The following MGAT5 variants were observed in gnomAD, a reference collection of about 807,000 sequenced individuals.
MGAT5 encodes the protein alpha-1,6-mannosylglycoprotein 6-beta-N-acetylglucosaminyltransferase.
Under a neutral mutation model 94.3 loss-of-function variants are expected in MGAT5, and 30 were observed. The observed-to-expected ratio is 0.32, with a 90% CI of 0.24 to 0.43. The LOEUF (loss-of-function observed/expected upper bound fraction) is 0.43. Ranked by LOEUF, MGAT5 falls within the 20% of genes least tolerant of loss-of-function variation. MGAT5 has a pLI of 1.00. For synonymous variants in MGAT5, 310 were observed against 322.9 expected (o/e 0.96, Z 0.43); for missense variants, 691 against 905.5 (o/e 0.76, Z 3.04).
intron 2 of MGAT5, among the ~76,000 whole-genome samples, chr2:134,286,947 G>A (rs1423815951): frequency 6.6e-6 from 1 of 152,158 alleles, no homozygotes; most frequent in Non-Finnish European, 1.5e-5. Context: ...TCTACCTTGT[G>A]TTCAGATGTT....
intron 1 of MGAT5, among the ~76,000 whole-genome samples, chr2:134,144,922 C>T (rs1244235516): frequency 6.6e-6 from 1 of 152,180 alleles, no homozygotes; most frequent in African/African-American, 2.4e-5. Flanking sequence ...TCCTCCAATA[C>T]GGACAGGCAT....
chr2:134,242,526 T>C (rs746785582), intron 1 of MGAT5, among the ~76,000 whole-genome samples: 55 of 152,226 alleles, frequency 3.6e-4, no homozygotes, highest in Non-Finnish European at 6.3e-4. Flanking sequence ...GAAATTAGGA[T>C]CTGATCTGCC....
chr2:134,448,826 T>G lies in MGAT5; in HGVS notation c.2205T>G (p.Ala735=). 1.2e-6 allele frequency: 2 copies of G among 1,613,604 alleles called. No homozygotes were observed. Among genetic ancestry groups the G allele is most frequent in the Non-Finnish European group, 1.7e-6 (2 of 1,179,982 alleles). ...PCRDFIKGQV[A]LCKDCL Reference sequence around the variant, plus strand: ...GGGACTTCATCAAGGGCCAGGTGGCTCTCTGCAAAGACTGCCTATAGCAGC... The same window carrying G: ...GGGACTTCATCAAGGGCCAGGTGGCGCTCTGCAAAGACTGCCTATAGCAGC... Residue 735 remains alanine (A), a synonymous_variant, in exon 16 of 16, where the codon GCT becomes GCG. Transcript: ENST00000281923.
intron 14 of MGAT5, among the ~76,000 whole-genome samples, chr2:134,439,838 G>C (rs1297468511): frequency 6.6e-6 from 1 of 152,200 alleles, no homozygotes; most frequent in Non-Finnish European, 1.5e-5. Flanking sequence ...CTGGCAGCAT[G>C]AGACCCTCAT....
At chr2:134,291,338 G>A (rs1447627736) in intron 2 of MGAT5, among the ~76,000 whole-genome samples, 1 of 152,118 alleles carries the variant, frequency 6.6e-6, no homozygotes, top group Non-Finnish European at 1.5e-5. Flanking sequence ...TGTCTGTGAG[G>A]ATACAAGGAG....
At chr2:134,328,202 A>G (rs10803547) in intron 4 of MGAT5, among the ~76,000 whole-genome samples, 147,642 of 152,140 alleles carry the variant, frequency 0.97, 71,709 homozygotes, top group East Asian at 1. Flanking sequence ...ACTTACTACA[A>G]CATCCCTTTA....
chr2:134,392,455 C>G (rs111571229), intron 10 of MGAT5, among the ~76,000 whole-genome samples: 3 of 152,122 alleles, frequency 2.0e-5, no homozygotes, highest in Admixed American at 2.0e-4. Context: ...AGGGACCTTA[C>G]GCTGCTATAC....
chr2:134,289,460 G>A (rs1018020280), intron 2 of MGAT5, among the ~76,000 whole-genome samples: 3 of 152,204 alleles, frequency 2.0e-5, no homozygotes, highest in Admixed American at 6.5e-5. Flanking sequence ...AACACTGTGT[G>A]TTGTGTGCAT....
rs56181696 is a variant in MGAT5 at position 134,419,442 on chromosome 2, T to TTGTGTGTGTGTGTGTGTGTGTG, written c.1678-3335_1678-3314dup. On this transcript the variant is annotated intron_variant, in intron 12 of 15. Coordinates refer to ENST00000281923, the MANE Select transcript of MGAT5 (RefSeq NM_002410.5). The stretch of plus-strand genomic sequence containing the variant: ...ATTAGAAATACTCTGGCTTCAGGGT[T>TTGTGTGTGTGTGTGTGTGTGTG]TGTGTGTGTGTGTGTGTGTGTGTGT... Among the ~76,000 whole-genome samples, 8 of 134,222 alleles carry TTGTGTGTGTGTGTGTGTGTGTG rather than the reference T, an allele frequency of 6.0e-5. No individual in the cohort carries two copies. In the East Asian group the frequency reaches 1.1e-3, roughly 19 times the overall value. The allele number at this position is 134,222 out of a possible 152,430, so 88.1% of individuals were successfully genotyped here.
chr2:134,208,801 C>G (rs1680147951), intron 1 of MGAT5, among the ~76,000 whole-genome samples: 1 of 152,200 alleles, frequency 6.6e-6, no homozygotes, highest in African/African-American at 2.4e-5. Flanking sequence ...CCTATGTGGC[C>G]TTTCTTGGCT....
chr2:134,290,148 T>A (rs1394964404), intron 2 of MGAT5, among the ~76,000 whole-genome samples: 1 of 152,238 alleles, frequency 6.6e-6, no homozygotes, highest in Admixed American at 6.5e-5. Context: ...CCTACTCGTG[T>A]GTTCTCATGT....
intron 12 of MGAT5, among the ~76,000 whole-genome samples, chr2:134,415,185 C>T (rs1306941090): frequency 6.6e-6 from 1 of 152,108 alleles, no homozygotes; most frequent in Non-Finnish European, 1.5e-5. Flanking sequence ...TTTTGAGAAA[C>T]CTCCATTTTC....
chr2:134,253,695 T>C (rs1682754385), upstream of MGAT5, among the ~76,000 whole-genome samples: 1 of 152,194 alleles, frequency 6.6e-6, no homozygotes, highest in Non-Finnish European at 1.5e-5. Context: ...AGAGGTTGCC[T>C]GGTGGCCCTG....
At chr2:134,248,961 A>G (rs1682435715) in intron 1 of MGAT5, among the ~76,000 whole-genome samples, 1 of 151,960 alleles carries the variant, frequency 6.6e-6, no homozygotes, top group African/African-American at 2.4e-5. Flanking sequence ...GGCATTTGCC[A>G]GACAAGGTGG....
At chr2:134,354,804 C>A (rs753234883) in intron 9 of MGAT5, among the ~76,000 whole-genome samples, 2 of 152,180 alleles carry the variant, frequency 1.3e-5, no homozygotes, top group Admixed American at 6.5e-5. Flanking sequence ...CCCCAGGAAT[C>A]TGGTAAGTCT....
chr2:134,219,676 T>A (rs1464760434), intron 1 of MGAT5, among the ~76,000 whole-genome samples: 2 of 152,216 alleles, frequency 1.3e-5, no homozygotes, highest in Non-Finnish European at 2.9e-5. Flanking sequence ...TACTAAGTTG[T>A]TGGGACCTAA....
intron 10 of MGAT5, among the ~76,000 whole-genome samples, chr2:134,384,571 A>G (rs1406779299): frequency 6.6e-6 from 1 of 152,238 alleles, no homozygotes; most frequent in Non-Finnish European, 1.5e-5. Context: ...GATTTTTACA[A>G]TTACACATTT....
chr2:134,348,168 C>T (rs1159676103), intron 8 of MGAT5, among the ~76,000 whole-genome samples: 1 of 152,140 alleles, frequency 6.6e-6, no homozygotes. Flanking sequence ...GAAAGGGATG[C>T]TCTGAGCTAT....
chr2:134,433,059 A>G (rs2106393160), intron 14 of MGAT5, among the ~76,000 whole-genome samples: 1 of 152,242 alleles, frequency 6.6e-6, no homozygotes, highest in Non-Finnish European at 1.5e-5. Context: ...TCACCCCAAA[A>G]AACTCATTTG....
Sources: allele counts gnomAD v4.1 joint callset (sites outside exome capture counted in the v4.1 genomes callset), GRCh38; gene constraint gnomAD v4.1.1; transcripts MANE v1.5; gene names NCBI Gene and HGNC (gene_info 2026-07-23, HGNC 2026-07-21).